The following ACSF2 variants were observed in gnomAD, a reference collection of about 807,000 sequenced individuals.
ACSF2 encodes the protein acyl-CoA synthetase family member 2.
ACSF2 carries 52 observed loss-of-function variants against 79.3 expected under a neutral mutation model. That is an observed-to-expected ratio of 0.66 (90% confidence interval 0.53 to 0.83). The LOEUF is 0.83. Ranked by LOEUF, ACSF2 falls within the 40% of genes least tolerant of loss-of-function variation. The pLI, the probability that ACSF2 is intolerant of heterozygous loss-of-function variation, is 0.00. For missense variants in ACSF2, 661 were observed against 803.3 expected (o/e 0.82, Z 2.14); for synonymous variants, 283 against 312.6 (o/e 0.91, Z 1.00).
At chr17:50,459,472 G>C (rs1386447978) in intron 1 of ACSF2, among the ~76,000 whole-genome samples, 1 of 152,138 alleles carries the variant, frequency 6.6e-6, no homozygotes, top group Admixed American at 6.5e-5. Flanking sequence ...CGAACTCCTG[G>C]GCTCAAGCGA....
intron 1 of ACSF2, among the ~76,000 whole-genome samples, chr17:50,432,195 G>A (rs940762945): frequency 1.3e-5 from 2 of 152,132 alleles, no homozygotes; most frequent in African/African-American, 4.8e-5. Flanking sequence ...TGAGCCACAC[G>A]CCTGGCCTTG....
intron 1 of ACSF2, among the ~76,000 whole-genome samples, chr17:50,434,150 C>T (rs1289482466): frequency 1.3e-5 from 2 of 151,114 alleles, no homozygotes; most frequent in Admixed American, 6.6e-5. Context: ...CCCATCTCTA[C>T]AGATAATACT....
chr17:50,468,463 A>G (rs1668834752), intron 10 of ACSF2: 1 of 1,614,016 alleles, frequency 6.2e-7, no homozygotes, highest in African/African-American at 1.3e-5. Context: ...CGTCGAAGGC[A>G]CCTGCGCGCA....
At position 50,473,749 on chromosome 17, in the gene ACSF2, C is replaced by T; in HGVS notation, c.1560C>T (p.Ile520=). 6.2e-7 allele frequency: 1 copy of T among 1,614,216 alleles called. No individual in the cohort carries two copies. Among genetic ancestry groups the T allele is most frequent in the South Asian group, 1.1e-5 (1 of 91,084 alleles). ...TGATCATCCGGGGTGGTGAGAACAT[C>T]TACCCCGCAGAGCTCGAGGACTTCT... ...KDMIIRGGEN[I]YPAELEDFFH... The change falls in exon 13 of 16, where the codon ATC becomes ATT. Residue 520 remains isoleucine, a synonymous_variant. Transcript: ENST00000300441.
At position 50,445,912 on chromosome 17, in the gene ACSF2, G is replaced by T. The variant is rs144381280; in HGVS notation, c.129-14765G>T. On this transcript the variant is annotated intron_variant, in intron 1 of 15. Transcript: ENST00000300441. ...AACTATGCATCATCAGCTGCTCTGT[G>T]CTCCTGAACCTGTAGAACATGCATC... 2.7e-3 allele frequency among the ~76,000 whole-genome samples: 408 copies of T among 152,226 alleles called. 2 individuals are homozygous for T. Among genetic ancestry groups the T allele is most frequent in the African/African-American group, 9.5e-3 (396 of 41,538 alleles).
chr17:50,426,432 C>G, intron 1 of ACSF2, 43 bp downstream of exon 1: 3 of 1,282,328 alleles, frequency 2.3e-6, no homozygotes, highest in Non-Finnish European at 2.0e-6. Context: ...GGCAGTTCCC[C>G]GGGAGAGGAA....
chr17:50,436,579 A>G lies in ACSF2; in HGVS notation c.128+10190A>G, dbSNP rs185008761. The stretch of plus-strand genomic sequence containing the variant: ...CTCCCGAGTAGCTGGGATTACAGGC[A>G]TGTGCCACCACACTCAGCTATTTTT... On this transcript the variant is annotated intron_variant, in intron 1 of 15. Transcript: ENST00000300441. 1.4e-3 allele frequency among the ~76,000 whole-genome samples: 213 copies of G among 152,070 alleles called. 2 individuals carry two copies. Among genetic ancestry groups the G allele is most frequent in the African/African-American group, 5.0e-3 (208 of 41,464 alleles).
chr17:50,465,982 G>C (rs2032683720), intron 10 of ACSF2: 1 of 1,204,408 alleles, frequency 8.3e-7, no homozygotes, highest in Non-Finnish European at 1.2e-6. Flanking sequence ...ATAGCACTTT[G>C]AGGAGTTTCC....
chr17:50,462,394 T>A, intron 5 of ACSF2, 26 bp from the exon 6 acceptor site: 1 of 1,607,324 alleles, frequency 6.2e-7, no homozygotes, highest in East Asian at 2.2e-5. Flanking sequence ...TCAGCCCCTG[T>A]CTCTCACCAT....
intron 1 of ACSF2, among the ~76,000 whole-genome samples, chr17:50,435,814 CATT>C (rs2030360190): frequency 1.3e-5 from 2 of 151,510 alleles, no homozygotes; most frequent in Non-Finnish European, 2.9e-5. Context: ...GATGGGATCT[CATT>C]ATGTTGCCCA....
intron 1 of ACSF2, among the ~76,000 whole-genome samples, chr17:50,453,536 G>A (rs888988216): frequency 1.3e-5 from 2 of 152,142 alleles, no homozygotes; most frequent in Admixed American, 1.3e-4. Context: ...GATTATATTA[G>A]TGTGTCTCAA....
At chr17:50,473,828 AG>A in intron 13 of ACSF2, 22 bp downstream of exon 13, 2 of 1,613,732 alleles carry the variant, frequency 1.2e-6, no homozygotes, top group Middle Eastern at 1.6e-4. Context: ...GGCTCAGGTG[AG>A]CCCCCAGAAA....
chr17:50,454,516 G>A (rs1433290832), intron 1 of ACSF2, among the ~76,000 whole-genome samples: 1 of 152,036 alleles, frequency 6.6e-6, no homozygotes, highest in African/African-American at 2.4e-5. Context: ...AAATCACTAT[G>A]TGGTCCAAAA....
chr17:50,428,149 A>C (rs1353719301), intron 1 of ACSF2, among the ~76,000 whole-genome samples: 1 of 152,140 alleles, frequency 6.6e-6, no homozygotes, highest in East Asian at 1.9e-4. Context: ...TCATCATGCC[A>C]CTGCACTCTA....
In ACSF2 at chr17:50,474,466, C is replaced by G; in HGVS notation, c.1798-36C>G. On this transcript the variant is annotated intron_variant, in intron 15 of 15. Coordinates refer to ENST00000300441, the MANE Select transcript of ACSF2 (RefSeq NM_025149.6). This position sits in a 1 kb window ranked among gnomAD's most constrained non-coding sequence, Gnocchi z 4.2. ...CCCCTTATTCTTGGGTGAACCAAGACAGCTGGTAACCCTAACTCCATTTTC... is the reference window on the plus strand; with the variant it reads ...CCCCTTATTCTTGGGTGAACCAAGAGAGCTGGTAACCCTAACTCCATTTTC... 1 of 1,609,198 alleles carries G rather than the reference C, an allele frequency of 6.2e-7. No homozygotes were observed. Among genetic ancestry groups the G allele is most frequent in the South Asian group, 1.1e-5 (1 of 90,974 alleles).
intron 10 of ACSF2, chr17:50,467,938 G>C (rs1219740105): frequency 3.1e-5 from 40 of 1,272,334 alleles, no homozygotes; most frequent in Non-Finnish European, 4.3e-5. Flanking sequence ...CAGAGGGACA[G>C]GGAACCTGGG....
chr17:50,472,133 T>C (rs1306117560), intron 11 of ACSF2: 5 of 400,680 alleles, frequency 1.2e-5, no homozygotes, highest in Non-Finnish European at 2.2e-5. Flanking sequence ...TTCAGCTGGC[T>C]CTGCAGTCCA....
chr17:50,446,077 A>G (rs1567844636), intron 1 of ACSF2, among the ~76,000 whole-genome samples: 1 of 152,248 alleles, frequency 6.6e-6, no homozygotes, highest in Non-Finnish European at 1.5e-5. Flanking sequence ...GACAGAGATC[A>G]TGAACAGATG....
rs1187691701 is a variant in ACSF2, at chr17:50,474,568, TG to T, written c.*17del. On this transcript the variant is annotated 3_prime_UTR_variant, in exon 16 of 16. Transcript: ENST00000300441. This position sits in a 1 kb window ranked among gnomAD's most constrained non-coding sequence, Gnocchi z 4.2. Reference sequence around the variant, plus strand: ...AAATCTGTGAATAAAGCAGCAGGCCTGTCCTGGCCGGTTGGCTTGACTCTCT... The same window carrying T: ...AAATCTGTGAATAAAGCAGCAGGCCTTCCTGGCCGGTTGGCTTGACTCTCT... The T allele has an allele frequency of 1.8e-5, 29 of 1,613,800 alleles. No individual in the cohort carries two copies. Among genetic ancestry groups the T allele is most frequent in the Non-Finnish European group, 2.5e-5 (29 of 1,179,872 alleles).
Sources: gnomAD v4.1 joint callset for allele counts (sites outside exome capture counted in the v4.1 genomes callset) on GRCh38, gnomAD v4.1.1 for gene constraint, Gnocchi (gnomAD v3.1) non-coding constraint, MANE v1.5 for transcripts, NCBI Gene and HGNC (gene_info 2026-07-23, HGNC 2026-07-21) for gene names.